The following TTC7A variants were observed in gnomAD, a reference collection of about 807,000 sequenced individuals.
The protein encoded by TTC7A is tetratricopeptide repeat protein 7A.
Under a neutral mutation model 103.7 loss-of-function variants are expected in TTC7A, and 110 were observed. The observed-to-expected ratio is 1.06, with a 90% CI of 0.91 to 1.24. The LOEUF (loss-of-function observed/expected upper bound fraction) is 1.24, where lower values mean the gene tolerates loss of function less well. Ranked by LOEUF, TTC7A falls within the 50% of genes most tolerant of loss-of-function variation. TTC7A has a pLI of 0.00. For missense variants in TTC7A, 1,340 were observed against 1,116.3 expected (o/e 1.20, Z -2.86); for synonymous variants, 521 against 467.9 (o/e 1.11, Z -1.47).
intron 3 of TTC7A, among the ~76,000 whole-genome samples, chr2:46,973,641 C>T (rs1391866729): frequency 2.0e-5 from 3 of 152,182 alleles, no homozygotes; most frequent in African/African-American, 7.2e-5. Flanking sequence ...TTCTGAACCC[C>T]CTGCCTCAGC....
intron 15 of TTC7A, 90 bp downstream of exon 15, chr2:47,029,474 C>G: frequency 6.9e-7 from 1 of 1,446,514 alleles, no homozygotes; most frequent in Non-Finnish European, 9.6e-7. Context: ...ATGGTGTCAG[C>G]CAACACACAT....
At chr2:46,939,133 A>G (rs542174890), upstream of TTC7A, among the ~76,000 whole-genome samples, 1 of 152,328 alleles carries the variant, frequency 6.6e-6, no homozygotes, top group East Asian at 1.9e-4. Context: ...ATAAATTAAA[A>G]ATAATAGTAA....
At chr2:46,979,655 G>T (rs987368254) in intron 5 of TTC7A, among the ~76,000 whole-genome samples, 2 of 152,188 alleles carry the variant, frequency 1.3e-5, no homozygotes, top group East Asian at 1.9e-4. Flanking sequence ...GGTGGCAGGG[G>T]AAGGAGAAGA....
chr2:47,073,061 C>T (rs1334608128), intron 19 of TTC7A, among the ~76,000 whole-genome samples: 1 of 152,034 alleles, frequency 6.6e-6, no homozygotes, highest in Non-Finnish European at 1.5e-5. Context: ...TCACCCAGCA[C>T]CCCATCCCCC....
intron 19 of TTC7A, 119 bp from the exon 20 acceptor site, chr2:47,073,583 C>T (rs1257172100): frequency 1.8e-5 from 15 of 828,406 alleles, no homozygotes; most frequent in South Asian, 1.1e-4. Context: ...AAGCCAGAGA[C>T]GCGGGAATCC....
chr2:46,928,769 G>GAA (rs879845279), intron 2 of TTC7A, among the ~76,000 whole-genome samples: 8 of 133,414 alleles, frequency 6.0e-5, no homozygotes, highest in African/African-American at 2.2e-4. Flanking sequence ...TGTTTCAAAA[G>GAA]AAAAAAAAAA....
At chr2:46,979,816 C>A (rs1674256552) in intron 5 of TTC7A, among the ~76,000 whole-genome samples, 1 of 152,194 alleles carries the variant, frequency 6.6e-6, no homozygotes, top group Admixed American at 6.5e-5. Flanking sequence ...GCTTTGGGCC[C>A]CTTCCTCTGC....
intron 2 of TTC7A, among the ~76,000 whole-genome samples, chr2:46,932,810 AG>A (rs1669778929): frequency 6.7e-6 from 1 of 149,710 alleles, no homozygotes; most frequent in Admixed American, 6.7e-5. Flanking sequence ...CTGAGGCAGG[AG>A]GATCGCTTGA....
intron 18 of TTC7A, among the ~76,000 whole-genome samples, chr2:47,059,594 T>G (rs72808521): frequency 6.6e-6 from 1 of 152,104 alleles, no homozygotes; most frequent in Admixed American, 6.5e-5. Flanking sequence ...AGCCCCTGCC[T>G]GGGAGACCAA....
chr2:46,957,493 G>T (rs1477758271), intron 3 of TTC7A, among the ~76,000 whole-genome samples: 1 of 152,228 alleles, frequency 6.6e-6, no homozygotes, highest in Non-Finnish European at 1.5e-5. Context: ...TATTTGTCGG[G>T]CACCTGCTGT....
At chr2:47,025,854 G>A (rs374673507) in intron 14 of TTC7A, among the ~76,000 whole-genome samples, 60 of 152,224 alleles carry the variant, frequency 3.9e-4, no homozygotes, top group African/African-American at 1.4e-3. Context: ...GGACAGGCAC[G>A]GGGCACCTCT....
upstream of TTC7A, among the ~76,000 whole-genome samples, chr2:46,940,847 T>C (rs4583513): frequency 0.059 from 8,898 of 152,044 alleles, 324 homozygotes; most frequent in African/African-American, 0.093. This position sits in a 1 kb window ranked among gnomAD's most constrained non-coding sequence, Gnocchi z 4.7. Flanking sequence ...GGTTGGGGCC[T>C]GTCGGCCGGC....
intron 2 of TTC7A, among the ~76,000 whole-genome samples, chr2:46,923,764 C>T (rs1001353226): frequency 3.3e-4 from 50 of 151,824 alleles, no homozygotes; most frequent in Non-Finnish European, 6.2e-4. Context: ...CAAAGTCTCA[C>T]TCTTGTCCAC....
intron 2 of TTC7A, among the ~76,000 whole-genome samples, chr2:46,926,401 A>T (rs1669385393): frequency 6.6e-6 from 1 of 152,172 alleles, no homozygotes; most frequent in South Asian, 2.1e-4. Context: ...TAAATGGTAA[A>T]TGCTTGTTAG....
At chr2:46,930,581 C>A (rs977424394) in intron 2 of TTC7A, among the ~76,000 whole-genome samples, 36 of 151,252 alleles carry the variant, frequency 2.4e-4, no homozygotes, top group Admixed American at 1.3e-3. Flanking sequence ...CTCACTGCAA[C>A]CTCTGCCTCC....
intron 15 of TTC7A, among the ~76,000 whole-genome samples, chr2:47,032,337 G>A (rs1427279843): frequency 6.6e-6 from 1 of 152,218 alleles, no homozygotes; most frequent in Non-Finnish European, 1.5e-5. Context: ...GGTTGTCAAT[G>A]TGCAGAGTAA....
chr2:46,951,703 G>T (rs1286828524), intron 2 of TTC7A: 2 of 454,888 alleles, frequency 4.4e-6, no homozygotes, highest in Non-Finnish European at 4.4e-6. Flanking sequence ...GAGGCACTGC[G>T]CCCAGCTGAT....
chr2:46,982,844 G>A (rs1168093591), intron 5 of TTC7A, among the ~76,000 whole-genome samples: 1 of 152,108 alleles, frequency 6.6e-6, no homozygotes, highest in Admixed American at 6.5e-5. Flanking sequence ...GTGTGCACCT[G>A]TGGTCCTAGC....
At chr2:47,012,647 C>T (rs527428350) in intron 11 of TTC7A, among the ~76,000 whole-genome samples, 1 of 152,322 alleles carries the variant, frequency 6.6e-6, no homozygotes, top group Non-Finnish European at 1.5e-5. Context: ...AATGAGCTTT[C>T]CACAAATTCC....
Sources: gnomAD v4.1 joint callset for allele counts (sites outside exome capture counted in the v4.1 genomes callset) on GRCh38, gnomAD v4.1.1 for gene constraint, Gnocchi (gnomAD v3.1) non-coding constraint, MANE v1.5 for transcripts, NCBI Gene and HGNC (gene_info 2026-07-23, HGNC 2026-07-21) for gene names.